The following ADCY3 variants were observed in gnomAD, a reference collection of about 807,000 sequenced individuals.
ADCY3 encodes the protein adenylate cyclase type 3.
Under a neutral mutation model 119.4 loss-of-function variants are expected in ADCY3, and 70 were observed. The ratio of observed to expected loss-of-function variants is 0.59; its 90% confidence interval spans 0.48 to 0.72. ADCY3 has a LOEUF of 0.72. ADCY3 is among the 30% of genes least tolerant of loss of function. The pLI is 0.00. For synonymous variants in ADCY3, 672 were observed against 621.4 expected (o/e 1.08, Z -1.21); for missense variants, 1,238 against 1,541.6 (o/e 0.80, Z 3.30).
At chr2:24,838,858 C>A in intron 7 of ADCY3, 1 of 1,605,810 alleles carries the variant, frequency 6.2e-7, no homozygotes, top group East Asian at 2.3e-5. Flanking sequence ...CCCATCTCAG[C>A]CTCAGTGTTG....
At chr2:24,823,414 G>T (rs1392390523) in intron 17 of ADCY3, 59 bp from the exon 18 acceptor site, 12 of 1,570,582 alleles carry the variant, frequency 7.6e-6, no homozygotes, top group Non-Finnish European at 1.0e-5. Context: ...ATGATGTGTT[G>T]GAGAAATGCA....
rs1367889764 is a variant in ADCY3 at position 24,822,522 on chromosome 2, T to G, written c.2992A>C (p.Ser998Arg). The change falls in exon 19 of 22, where the codon AGC (serine) becomes CGC (arginine). Residue 998 changes from serine to arginine, a missense_variant. Physicochemically the swap from Ser to Arg is moderately radical, Grantham distance 110. Coordinates refer to ENST00000679454, the MANE Select transcript of ADCY3 (RefSeq NM_004036.5). ...TPDVNTNGFA[S>R]SNKEDKSERE... ...CTGGGGTTAGCTACCTTGTTGGAGCTGGCAAAGCCATTGGTGTTGACATCG... is the reference window on the plus strand; with the variant it reads ...CTGGGGTTAGCTACCTTGTTGGAGCGGGCAAAGCCATTGGTGTTGACATCG... 2 of 1,613,722 alleles carry G rather than the reference T, an allele frequency of 1.2e-6. No individual in the cohort carries two copies. The highest frequency in any genetic ancestry group is 1.7e-6 in the Non-Finnish European group (2 of 1,179,690).
intron 3 of ADCY3, among the ~76,000 whole-genome samples, chr2:24,848,196 G>C (rs1671874757): frequency 6.6e-6 from 1 of 152,236 alleles, no homozygotes; most frequent in African/African-American, 2.4e-5. Flanking sequence ...ACAGAAATGA[G>C]GACAAGGAAC....
intron 2 of ADCY3, among the ~76,000 whole-genome samples, chr2:24,881,587 T>C (rs1676409980): frequency 6.6e-6 from 1 of 152,208 alleles, no homozygotes; most frequent in Admixed American, 6.5e-5. Context: ...AGTAAGTACC[T>C]GAGATCATGG....
chr2:24,912,366 G>T (rs938802077), intron 2 of ADCY3, among the ~76,000 whole-genome samples: 8 of 151,926 alleles, frequency 5.3e-5, no homozygotes, highest in South Asian at 2.1e-4. Flanking sequence ...GTAATTTGGT[G>T]GGGGGGCAGC....
chr2:24,848,341 C>G lies in ADCY3; in HGVS notation c.826-5957G>C, dbSNP rs1467723097. Among the ~76,000 whole-genome samples the G allele has an allele frequency of 3.3e-5, 5 of 152,358 alleles. No homozygotes were observed. The East Asian group carries it at 9.6e-4, about 29-fold the overall frequency. On this transcript the variant is annotated intron_variant, in intron 3 of 21. Coordinates refer to ENST00000679454, the MANE Select transcript of ADCY3 (RefSeq NM_004036.5). ...AACCTATTCCTTTAATTCGGCCCAT[C>G]CCTTCGTTTCCCATAACGGATACTT...
intron 12 of ADCY3, 66 bp downstream of exon 12, chr2:24,831,596 C>G: frequency 7.9e-7 from 1 of 1,257,956 alleles, no homozygotes. Context: ...CCATCACTGC[C>G]CAGTTTTACA....
At chr2:24,846,522 T>C (rs987630500) in intron 3 of ADCY3, among the ~76,000 whole-genome samples, 10 of 152,236 alleles carry the variant, frequency 6.6e-5, no homozygotes, top group African/African-American at 2.4e-4. Context: ...TTGGAATGGC[T>C]ATACTTACTC....
intron 2 of ADCY3, among the ~76,000 whole-genome samples, chr2:24,890,513 A>G (rs1269376955): frequency 6.6e-6 from 1 of 152,250 alleles, no homozygotes; most frequent in East Asian, 1.9e-4. Context: ...ATATGGGGCT[A>G]TTCAACATTG....
At position 24,831,732 on chromosome 2, in the gene ADCY3, A is replaced by G. The variant is rs1190369386; in HGVS notation, c.1985T>C (p.Val662Ala). Residue 662 changes from valine to alanine, a missense_variant, in exon 12 of 22, where the codon GTG (valine) becomes GCG (alanine). Physicochemically the swap from Val to Ala is moderately conservative, Grantham distance 64 (BLOSUM62 0). This residue lies in a region of ADCY3 where 499 missense variants were observed against 571.0 expected (regional missense o/e 0.87). Transcript: ENST00000679454. Reference sequence around the variant, plus strand: ...CAGAATCTCCCCCACCATGAAGGTCACATAGTTTGTCATTAGCCTGTGACA... The same window carrying G: ...CAGAATCTCCCCCACCATGAAGGTCGCATAGTTTGTCATTAGCCTGTGACA... ...LIDPWLMTNYVTFMVGEILLL... is the reference protein window; with the variant it reads ...LIDPWLMTNYATFMVGEILLL... 1.9e-6 allele frequency: 3 copies of G among 1,613,606 alleles called. No individual in the cohort carries two copies. Among genetic ancestry groups the G allele is most frequent in the Non-Finnish European group, 2.5e-6 (3 of 1,179,888 alleles).
At chr2:24,835,026 CA>C (rs1670115249) in intron 9 of ADCY3, 90 bp from the exon 10 acceptor site, 2 of 1,469,734 alleles carry the variant, frequency 1.4e-6, no homozygotes, top group African/African-American at 2.8e-5. Flanking sequence ...AGGAAAGGAA[CA>C]AAAGAGGGCA....
intron 2 of ADCY3, among the ~76,000 whole-genome samples, chr2:24,914,077 G>A (rs1437384675): frequency 6.6e-6 from 1 of 152,132 alleles, no homozygotes; most frequent in African/African-American, 2.4e-5. Flanking sequence ...CAGCCCAGGG[G>A]CAGTTTAGGG....
At chr2:24,890,489 A>C (rs1677534198) in intron 2 of ADCY3, among the ~76,000 whole-genome samples, 1 of 152,202 alleles carries the variant, frequency 6.6e-6, no homozygotes, top group African/African-American at 2.4e-5. Context: ...ACCAAAATTC[A>C]ATTTCTACAA....
intron 11 of ADCY3, among the ~76,000 whole-genome samples, chr2:24,832,338 T>C (rs1669707240): frequency 1.3e-5 from 2 of 152,084 alleles, no homozygotes; most frequent in Admixed American, 1.3e-4. Flanking sequence ...ATCTTAGGAA[T>C]GCACCCCTGC....
At chr2:24,849,741 C>G (rs534752866) in intron 3 of ADCY3, among the ~76,000 whole-genome samples, 1 of 152,116 alleles carries the variant, frequency 6.6e-6, no homozygotes, top group Non-Finnish European at 1.5e-5. Flanking sequence ...CGGAACCTGA[C>G]AGAGGGGAAA....
In ADCY3 at chr2:24,918,562, C is replaced by G; in HGVS notation, c.426G>C (p.Val142=). ...TCTGGGCGGTTATGAGCAGCCACAGCACGTAGGGCAGCACTCTGCGGGTGA... is the reference window on the plus strand; with the variant it reads ...TCTGGGCGGTTATGAGCAGCCACAGGACGTAGGGCAGCACTCTGCGGGTGA... ...DRVTRRVLPY[V]LWLLITAQIF... Residue 142 remains valine, a synonymous_variant, in exon 2 of 22, where the codon GTG becomes GTC. Coordinates refer to ENST00000679454, the MANE Select transcript of ADCY3 (RefSeq NM_004036.5). This position sits in a 1 kb window ranked among gnomAD's most constrained non-coding sequence, Gnocchi z 5.4. 1 of 1,614,110 alleles carries G rather than the reference C, an allele frequency of 6.2e-7. No homozygotes were observed. The highest frequency in any genetic ancestry group is 1.1e-5 in the South Asian group (1 of 91,086).
At chr2:24,874,179 G>A (rs933189724) in intron 2 of ADCY3, among the ~76,000 whole-genome samples, 2 of 152,158 alleles carry the variant, frequency 1.3e-5, no homozygotes, top group Admixed American at 1.3e-4. Context: ...AGCCTCTGTG[G>A]CACTCAACAA....
At chr2:24,829,530 C>T (rs1330742287) in intron 13 of ADCY3, among the ~76,000 whole-genome samples, 2 of 150,030 alleles carry the variant, frequency 1.3e-5, no homozygotes, top group East Asian at 2.0e-4. Flanking sequence ...ACGCCATTCT[C>T]CTGCCTCAGC....
chr2:24,832,050 C>G (rs1669643781), intron 11 of ADCY3: 1 of 30,568 alleles, frequency 3.3e-5, no homozygotes, highest in Non-Finnish European at 6.3e-5. Flanking sequence ...CAGACAAGGA[C>G]CGGGGGAAGG....
Sources: gnomAD v4.1 joint callset for allele counts (sites outside exome capture counted in the v4.1 genomes callset) on GRCh38, gnomAD v4.1.1 for gene constraint, gnomAD v4.1.1 regional missense constraint, Gnocchi (gnomAD v3.1) non-coding constraint, MANE v1.5 for transcripts, NCBI Gene and HGNC (gene_info 2026-07-23, HGNC 2026-07-21) for gene names.